The following RIMS2 variants were observed in gnomAD, a reference collection of about 807,000 sequenced individuals.
RIMS2 encodes regulating synaptic membrane exocytosis protein 2.
RIMS2 carries 59 observed loss-of-function variants against 174.4 expected under a neutral mutation model. That is an observed-to-expected ratio of 0.34 (90% CI 0.27 to 0.42). RIMS2 has a LOEUF of 0.42. Ranked by LOEUF, RIMS2 falls within the 10% of genes least tolerant of loss-of-function variation. RIMS2 has a pLI of 1.00. For missense variants in RIMS2, 1,620 were observed against 1,666.3 expected, an observed-to-expected ratio of 0.97 and a Z score of 0.48; for synonymous variants, 606 against 572.5, an observed-to-expected ratio of 1.06 and a Z score of -0.84.
At chr8:103,978,710 A>G (rs1306697016) in intron 16 of RIMS2, among the ~76,000 whole-genome samples, 2 of 152,248 alleles carry the variant, frequency 1.3e-5, no homozygotes, top group Non-Finnish European at 2.9e-5. Flanking sequence ...GCAACAACTG[A>G]CAGGGTTATA....
chr8:103,653,722 A>G (rs898451264), intron 1 of RIMS2, among the ~76,000 whole-genome samples: 2 of 152,078 alleles, frequency 1.3e-5, no homozygotes, highest in Non-Finnish European at 2.9e-5. Flanking sequence ...GCTACTTTGC[A>G]TACATTTTAT....
rs570527407 is a variant in RIMS2, at chr8:104,138,200, A to C, written c.3335-106716A>C. Among the ~76,000 whole-genome samples the C allele has an allele frequency of 1.7e-3, 260 of 152,234 alleles. 1 individual carries two copies. The highest frequency in any genetic ancestry group is 6.0e-3 in the African/African-American group (251 of 41,528). Reference sequence around the variant, plus strand: ...TTCTTTATCCATTCATCTGTTGATGAATACTTAGGTTGCTTCCAAATCTTG... The same window carrying C: ...TTCTTTATCCATTCATCTGTTGATGCATACTTAGGTTGCTTCCAAATCTTG... On this transcript the variant is annotated intron_variant, in intron 19 of 23. Transcript: ENST00000504942.
intron 19 of RIMS2, among the ~76,000 whole-genome samples, chr8:104,167,566 G>C (rs1452419295): frequency 6.6e-6 from 1 of 151,976 alleles, no homozygotes; most frequent in Non-Finnish European, 1.5e-5. Context: ...TGTAGAGTCT[G>C]GATATTAGTC....
intron 17 of RIMS2, among the ~76,000 whole-genome samples, chr8:104,009,785 A>G (rs953699057): frequency 5.3e-5 from 8 of 152,156 alleles, no homozygotes; most frequent in Middle Eastern, 3.2e-3. Context: ...AAGAAAACCT[A>G]TTACATTTAC....
At position 104,223,397 on chromosome 8, in the gene RIMS2, T is replaced by A. The variant is rs1030024010; in HGVS notation, c.3335-21519T>A. 12 of 1,261,658 alleles carry A rather than the reference T, an allele frequency of 9.5e-6. No individual in the cohort carries two copies. The African/African-American group carries it at 1.9e-4, about 20-fold the overall frequency. 78.2% of individuals were successfully genotyped at this position (1,261,658 alleles called of 1,614,324 possible). On this transcript the variant is annotated intron_variant, in intron 19 of 23. Coordinates refer to ENST00000504942, the Ensembl canonical transcript of RIMS2. ...CCCGGGCGAGACCTCGGACGTTCAC[T>A]GCGAGCAGCCGCTCCGCCCGCCACC...
chr8:104,081,552 A>G (rs2097421111), intron 19 of RIMS2, among the ~76,000 whole-genome samples: 2 of 152,032 alleles, frequency 1.3e-5, no homozygotes. Context: ...TGAAAACAAT[A>G]TGAATATTTT....
At chr8:103,995,529 C>G (rs1031451677) in intron 17 of RIMS2, among the ~76,000 whole-genome samples, 11 of 151,888 alleles carry the variant, frequency 7.2e-5, no homozygotes, top group African/African-American at 2.7e-4. Flanking sequence ...TTCTTGGAGT[C>G]AGGAAAACAC....
At chr8:103,617,090 G>A (rs1264381268) in intron 1 of RIMS2, among the ~76,000 whole-genome samples, 1 of 152,128 alleles carries the variant, frequency 6.6e-6, no homozygotes, top group African/African-American at 2.4e-5. Context: ...AACAAAGCTG[G>A]CAGCATCACG....
intron 1 of RIMS2, among the ~76,000 whole-genome samples, chr8:103,614,423 C>A (rs1313527974): frequency 6.6e-6 from 1 of 152,244 alleles, no homozygotes; most frequent in Non-Finnish European, 1.5e-5. Context: ...AGAGGTGTGG[C>A]ACTGGCTATT....
intron 3 of RIMS2, among the ~76,000 whole-genome samples, chr8:103,838,604 T>C (rs555565064): frequency 1.3e-5 from 2 of 152,232 alleles, no homozygotes; most frequent in Non-Finnish European, 2.9e-5. Flanking sequence ...TATTATCTAA[T>C]AACGTCAGAG....
chr8:103,887,066 A>C (rs2099207307), intron 4 of RIMS2, among the ~76,000 whole-genome samples: 1 of 151,874 alleles, frequency 6.6e-6, no homozygotes, highest in African/African-American at 2.4e-5. Flanking sequence ...TACTCTTATC[A>C]GATGTACTTG....
At chr8:103,985,475 A>G (rs2094286757) in intron 16 of RIMS2, among the ~76,000 whole-genome samples, 1 of 39,010 alleles carries the variant, frequency 2.6e-5, no homozygotes, top group Non-Finnish European at 1.0e-4. Context: ...CTCTGTCTCA[A>G]AAAAAAAAAA....
chr8:103,657,832 C>T (rs2096549680), intron 1 of RIMS2, among the ~76,000 whole-genome samples: 1 of 152,158 alleles, frequency 6.6e-6, no homozygotes, highest in Admixed American at 6.5e-5. Flanking sequence ...TAGCTGAGCC[C>T]TGATTACTTG....
chr8:103,654,986 A>C (rs576860211), intron 1 of RIMS2, among the ~76,000 whole-genome samples: 1 of 152,008 alleles, frequency 6.6e-6, no homozygotes, highest in East Asian at 1.9e-4. Flanking sequence ...GTTGTTGAAA[A>C]ATCTAATGAT....
At chr8:103,545,831 T>C (rs1436642181) in intron 1 of RIMS2, among the ~76,000 whole-genome samples, 1 of 152,172 alleles carries the variant, frequency 6.6e-6, no homozygotes, top group Non-Finnish European at 1.5e-5. Flanking sequence ...AGTAAGGTCC[T>C]TAGGGAATTC....
rs746599379 is a variant in RIMS2, at chr8:103,652,664, G to A, written c.177-44422G>A. On this transcript the variant is annotated intron_variant, in intron 1 of 23. Coordinates refer to ENST00000504942, the Ensembl canonical transcript of RIMS2. ...TGGAATCACTGAACTGGTAAATAACGTTCTTCAGCCCCAGCAAAAACAACA... is the reference window on the plus strand; with the variant it reads ...TGGAATCACTGAACTGGTAAATAACATTCTTCAGCCCCAGCAAAAACAACA... The A allele has an allele frequency of 1.2e-5, 16 of 1,350,752 alleles. No homozygotes were observed. The East Asian group carries it at 3.2e-4, about 27-fold the overall frequency. The allele number at this position is 1,350,752 out of a possible 1,614,324, so 83.7% of individuals were successfully genotyped here.
At chr8:103,621,138 G>A (rs1004066950) in intron 1 of RIMS2, among the ~76,000 whole-genome samples, 5 of 152,164 alleles carry the variant, frequency 3.3e-5, no homozygotes, top group African/African-American at 7.2e-5. Context: ...AGAAATGCTT[G>A]TTCCTTATTG....
intron 1 of RIMS2, among the ~76,000 whole-genome samples, chr8:103,647,155 C>T (rs1013790118): frequency 2.0e-5 from 3 of 152,154 alleles, no homozygotes; most frequent in Non-Finnish European, 4.4e-5. Context: ...GTACATTGAA[C>T]CAACCTTTTA....
chr8:103,770,383 A>G (rs1388069251), intron 3 of RIMS2, among the ~76,000 whole-genome samples: 2 of 152,050 alleles, frequency 1.3e-5, no homozygotes, highest in African/African-American at 2.4e-5. Context: ...CAAGACCAGC[A>G]TGGCCAACTT....
Sources: gnomAD v4.1 joint callset for allele counts (sites outside exome capture counted in the v4.1 genomes callset) on GRCh38, gnomAD v4.1.1 for gene constraint, MANE v1.5 for transcripts, NCBI Gene and HGNC (gene_info 2026-07-23, HGNC 2026-07-21) for gene names.